ZNF438: variants seen among roughly 807,000 people sequenced by gnomAD.
ZNF438 encodes zinc finger protein 438.
A neutral mutation model predicts 38.0 loss-of-function variants in ZNF438; 25 were observed. That is an observed-to-expected ratio of 0.66 (90% confidence interval 0.48 to 0.92). The LOEUF (loss-of-function observed/expected upper bound fraction) is 0.92. ZNF438 is among the 40% of genes least tolerant of loss of function. The pLI, the probability that ZNF438 is intolerant of heterozygous loss-of-function variation, is 0.00. For missense variants in ZNF438, 1,007 were observed against 999.6 expected, an observed-to-expected ratio of 1.01 and a Z score of -0.10; for synonymous variants, 372 against 364.1, an observed-to-expected ratio of 1.02 and a Z score of -0.25.
intron 1 of ZNF438, among the ~76,000 whole-genome samples, chr10:30,957,455 C>A (rs1162187459): frequency 6.6e-6 from 1 of 152,168 alleles, no homozygotes; most frequent in Non-Finnish European, 1.5e-5. Flanking sequence ...CCCATACAAA[C>A]CTTATCTAGA....
intron 1 of ZNF438, among the ~76,000 whole-genome samples, chr10:30,995,296 C>T (rs999987161): frequency 2.6e-5 from 4 of 152,182 alleles, no homozygotes; most frequent in Admixed American, 6.5e-5. Flanking sequence ...GCCCCCAATA[C>T]GATTAACAGC....
chr10:30,878,110 G>A (rs2038705581), intron 3 of ZNF438, among the ~76,000 whole-genome samples: 1 of 152,188 alleles, frequency 6.6e-6, no homozygotes, highest in South Asian at 2.1e-4. Flanking sequence ...CAGTGAAACA[G>A]CACCTTCAAG....
intron 1 of ZNF438, among the ~76,000 whole-genome samples, chr10:31,016,744 C>T (rs184600295): frequency 2.0e-4 from 31 of 152,342 alleles, no homozygotes; most frequent in Admixed American, 1.7e-3. Context: ...CACTTCCACT[C>T]TCATCCCACT....
intron 4 of ZNF438, among the ~76,000 whole-genome samples, chr10:30,859,279 A>G (rs2035191196): frequency 6.6e-6 from 1 of 152,102 alleles, no homozygotes. Flanking sequence ...TTGTTTTGCC[A>G]TATTTCCAGG....
intron 4 of ZNF438, among the ~76,000 whole-genome samples, chr10:30,851,933 C>T (rs1165533868): frequency 6.6e-6 from 1 of 151,750 alleles, no homozygotes; most frequent in Non-Finnish European, 1.5e-5. Flanking sequence ...CTGAGATGGG[C>T]GGATCACTTG....
intron 1 of ZNF438, among the ~76,000 whole-genome samples, chr10:30,977,138 C>A (rs559333622): frequency 1.3e-5 from 2 of 152,202 alleles, no homozygotes; most frequent in East Asian, 3.9e-4. Flanking sequence ...GCAAAACATT[C>A]TCTCAAATAA....
chr10:30,999,277 TG>T (rs1452061283), intron 1 of ZNF438: 1 of 152,204 alleles, frequency 6.6e-6, no homozygotes, highest in Non-Finnish European at 1.5e-5. Context: ...AGTTTTTCCT[TG>T]GGAAAATACA....
At chr10:30,854,798 A>C (rs2034335203) in intron 4 of ZNF438, among the ~76,000 whole-genome samples, 1 of 152,156 alleles carries the variant, frequency 6.6e-6, no homozygotes, top group Non-Finnish European at 1.5e-5. Context: ...GGGGGATTAG[A>C]GCGAAGACAG....
intron 3 of ZNF438, among the ~76,000 whole-genome samples, chr10:30,893,979 A>C (rs7084305): frequency 0.43 from 65,061 of 152,002 alleles, 14,411 homozygotes; most frequent in Non-Finnish European, 0.47. Flanking sequence ...TTGTTAATGA[A>C]TAAAACCACT....
intron 4 of ZNF438, chr10:30,857,573 T>G (rs2034874928): frequency 1.1e-6 from 1 of 930,512 alleles, no homozygotes; most frequent in Non-Finnish European, 1.6e-6. Flanking sequence ...CTATTACCAT[T>G]AAATTATACT....
intron 4 of ZNF438, chr10:30,875,280 G>C (rs2038234479): frequency 4.1e-6 from 4 of 985,456 alleles, no homozygotes; most frequent in Non-Finnish European, 4.8e-6. Context: ...TTCTCCCTCT[G>C]TATCAGCCAG....
intron 1 of ZNF438, among the ~76,000 whole-genome samples, chr10:31,020,017 T>G (rs2133260569): frequency 6.6e-6 from 1 of 152,290 alleles, no homozygotes; most frequent in African/African-American, 2.4e-5. Context: ...TTTTTTTCCA[T>G]TTTACTACAA....
At chr10:30,970,849 G>A (rs1040966502) in intron 1 of ZNF438, among the ~76,000 whole-genome samples, 2 of 152,182 alleles carry the variant, frequency 1.3e-5, no homozygotes, top group African/African-American at 2.4e-5. Flanking sequence ...ATTAACTAGT[G>A]AGGAAATGTC....
chr10:30,955,009 T>C (rs914425217), intron 1 of ZNF438, among the ~76,000 whole-genome samples: 8 of 152,306 alleles, frequency 5.3e-5, no homozygotes, highest in East Asian at 1.9e-4. Context: ...TCAAAATTTC[T>C]ATGGACCAGT....
intron 1 of ZNF438, among the ~76,000 whole-genome samples, chr10:30,989,950 A>C (rs570010881): frequency 6.6e-6 from 1 of 152,188 alleles, no homozygotes; most frequent in Non-Finnish European, 1.5e-5. Context: ...AGAAAACATG[A>C]TCACCCCTTA....
intron 1 of ZNF438, among the ~76,000 whole-genome samples, chr10:30,953,515 C>T (rs2048481115): frequency 6.6e-6 from 1 of 151,076 alleles, no homozygotes; most frequent in South Asian, 2.1e-4. Context: ...ATAAAATAAA[C>T]TTCAAAACAT....
At chr10:30,898,602 A>T (rs2041635659) in intron 3 of ZNF438, among the ~76,000 whole-genome samples, 1 of 152,118 alleles carries the variant, frequency 6.6e-6, no homozygotes, top group Non-Finnish European at 1.5e-5. Context: ...CTATTTTTAT[A>T]CTAAAAATAA....
rs1289883404 is a variant in ZNF438 at position 30,959,571 on chromosome 10, T to C, written c.-191-17920A>G. Among the ~76,000 whole-genome samples, 21 of 105,840 alleles carry C rather than the reference T, an allele frequency of 2.0e-4. 1 individual carries two copies. The highest frequency in any genetic ancestry group is 7.1e-4 in the African/African-American group (21 of 29,578). 69.4% of individuals were successfully genotyped at this position (105,840 alleles called of 152,430 possible). On this transcript the variant is annotated intron_variant, in intron 1 of 5. Transcript: ENST00000413025. ...GGCTAACACGGTGAAACCCCGTCTC[T>C]ACTAAAAATACAAAAAAAAAAAAAA...
exon 5 of ZNF438, chr10:30,849,304 A>G (rs879359602): frequency 2.5e-6 from 4 of 1,614,096 alleles, no homozygotes; most frequent in Non-Finnish European, 3.4e-6. Context: ...GGTTAAGATC[A>G]AGTTTGGTGG....
Sources: allele counts gnomAD v4.1 joint callset (sites outside exome capture counted in the v4.1 genomes callset), GRCh38; gene constraint gnomAD v4.1.1; transcripts MANE v1.5; gene names NCBI Gene and HGNC (gene_info 2026-07-23, HGNC 2026-07-21).